Variants in DTNA observed in about 807,000 individuals in gnomAD.
DTNA encodes the protein dystrobrevin alpha, also known as dystrophin-related protein 3.
Under a neutral mutation model 100.7 loss-of-function variants are expected in DTNA, and 43 were observed. The observed-to-expected ratio is 0.43, with a 90% CI of 0.33 to 0.55. The LOEUF (loss-of-function observed/expected upper bound fraction) is 0.55. Ranked by LOEUF, DTNA falls within the 20% of genes least tolerant of loss-of-function variation. The pLI, the probability that DTNA is intolerant of heterozygous loss-of-function variation, is 0.04. For missense variants in DTNA, 798 were observed against 953.9 expected (o/e 0.84, Z 2.15); for synonymous variants, 349 against 347.9 (o/e 1.00, Z -0.04).
chr18:34,636,979 G>A (rs16965696), intron 1 of DTNA, among the ~76,000 whole-genome samples: 3,563 of 152,232 alleles, frequency 0.023, 141 homozygotes, highest in African/African-American at 0.081. Context: ...GGAACTTCCA[G>A]GGTATTTCTT....
chr18:34,753,276 A>G (rs1264379408), intron 1 of DTNA, among the ~76,000 whole-genome samples: 2 of 152,202 alleles, frequency 1.3e-5, no homozygotes, highest in Non-Finnish European at 2.9e-5. Context: ...CTGCAAGTTC[A>G]GATGCCAGGC....
At chr18:34,729,372 C>T (rs919899998) in intron 1 of DTNA, among the ~76,000 whole-genome samples, 2 of 152,104 alleles carry the variant, frequency 1.3e-5, no homozygotes, top group Non-Finnish European at 2.9e-5. Context: ...GGCTGCTTTA[C>T]CTGCAATCAA....
chr18:34,729,216 A>G (rs1287286985), intron 1 of DTNA, among the ~76,000 whole-genome samples: 1 of 152,242 alleles, frequency 6.6e-6, no homozygotes, highest in Non-Finnish European at 1.5e-5. Context: ...GCACTTTCAA[A>G]TAAGGAAATG....
intron 1 of DTNA, among the ~76,000 whole-genome samples, chr18:34,735,061 TACAC>T (rs2089251260): frequency 6.6e-6 from 1 of 151,880 alleles, no homozygotes; most frequent in South Asian, 2.1e-4. Context: ...TACACACACA[TACAC>T]ATATATATAT....
intron 1 of DTNA, among the ~76,000 whole-genome samples, chr18:34,577,160 G>A (rs1407727829): frequency 6.6e-6 from 1 of 152,088 alleles, no homozygotes; most frequent in African/African-American, 2.4e-5. Flanking sequence ...GTATTTGGAA[G>A]CCCTATTTTT....
intron 1 of DTNA, among the ~76,000 whole-genome samples, chr18:34,743,734 G>A (rs184896957): frequency 8.1e-4 from 124 of 152,198 alleles, no homozygotes; most frequent in Non-Finnish European, 1.1e-3. Flanking sequence ...AATCAGTAGC[G>A]AGGAAGGGGA....
At chr18:34,722,122 T>G (rs2085475093) in intron 1 of DTNA, among the ~76,000 whole-genome samples, 1 of 152,176 alleles carries the variant, frequency 6.6e-6, no homozygotes, top group Non-Finnish European at 1.5e-5. Context: ...AAATAATCCT[T>G]TGGGTTTAAA....
At chr18:34,791,123 C>A (rs1201260501) in intron 3 of DTNA, among the ~76,000 whole-genome samples, 1 of 152,102 alleles carries the variant, frequency 6.6e-6, no homozygotes, top group African/African-American at 2.4e-5. Flanking sequence ...GTGGTCACTC[C>A]CATGGGCCTG....
chr18:34,551,337 G>A (rs16965449), intron 1 of DTNA, among the ~76,000 whole-genome samples: 5,429 of 152,048 alleles, frequency 0.036, 338 homozygotes, highest in African/African-American at 0.12. Context: ...ACAGGTGTTC[G>A]CCTCACCACA....
intron 1 of DTNA, among the ~76,000 whole-genome samples, chr18:34,690,747 T>C (rs1000019780): frequency 6.6e-6 from 1 of 152,220 alleles, no homozygotes; most frequent in Non-Finnish European, 1.5e-5. Flanking sequence ...TTTGTATTCC[T>C]GGAAACTAAC....
intron 1 of DTNA, among the ~76,000 whole-genome samples, chr18:34,625,754 T>C (rs2057234077): frequency 6.6e-6 from 1 of 152,144 alleles, no homozygotes; most frequent in Non-Finnish European, 1.5e-5. Context: ...TGAAATAACA[T>C]CTTGGAGAAG....
Position 34,578,726 on chromosome 18 carries a change from C to A in DTNA, c.-2+85212C>A, listed in dbSNP as rs760617803. 1.2e-4 allele frequency among the ~76,000 whole-genome samples: 18 copies of A among 152,096 alleles called. 1 individual carries two copies. The highest frequency in any genetic ancestry group is 2.6e-4 in the Non-Finnish European group (18 of 68,004). On this transcript the variant is annotated intron_variant, in intron 1 of 19. Coordinates refer to the DTNA transcript ENST00000283365. ...CAGCACCATTTGTTAAATAGGGTGT[C>A]TTTTTCCCACTTTATGTTTTTGTTT... is the stretch of plus-strand genomic sequence containing the variant.
At chr18:34,728,730 A>G (rs1172543315) in intron 1 of DTNA, among the ~76,000 whole-genome samples, 1 of 152,172 alleles carries the variant, frequency 6.6e-6, no homozygotes, top group South Asian at 2.1e-4. Flanking sequence ...AGTGATTCCT[A>G]CTCAAACACA....
At chr18:34,821,496 G>A in intron 9 of DTNA, 1 of 456,424 alleles carries the variant, frequency 2.2e-6, no homozygotes, top group Non-Finnish European at 4.4e-6. Flanking sequence ...CGTGGCAGAA[G>A]GTGTTGGGCC....
At chr18:34,876,917 T>G (rs2096824374) in intron 18 of DTNA, among the ~76,000 whole-genome samples, 1 of 152,230 alleles carries the variant, frequency 6.6e-6, no homozygotes, top group Admixed American at 6.5e-5. Flanking sequence ...ATAATTAATG[T>G]TTTTACTTAA....
Position 34,626,096 on chromosome 18 carries a change from T to C in DTNA, c.-1-129880T>C, listed in dbSNP as rs78893791. On this transcript the variant is annotated intron_variant, in intron 1 of 19. Coordinates refer to the DTNA transcript ENST00000283365. ...AAAGATTAGGCTTGTGATTATTGCT[T>C]TTTTCAGGAAATGTTTTATATAAAG... Among the ~76,000 whole-genome samples, 970 of 152,296 alleles carry C rather than the reference T, an allele frequency of 6.4e-3. 7 individuals carry two copies. The highest frequency in any genetic ancestry group is 0.014 in the Middle Eastern group (4 of 294).
chr18:34,568,624 C>A (rs556549003), intron 1 of DTNA, among the ~76,000 whole-genome samples: 1 of 151,898 alleles, frequency 6.6e-6, no homozygotes, highest in South Asian at 2.1e-4. Context: ...TTTTTATTTT[C>A]ATTTATTTAA....
chr18:34,540,148 A>C (rs186398706), intron 1 of DTNA, among the ~76,000 whole-genome samples: 53 of 152,086 alleles, frequency 3.5e-4, no homozygotes, highest in African/African-American at 1.2e-3. Context: ...AAAATTGAGG[A>C]TGTCCAAAAA....
intron 1 of DTNA, among the ~76,000 whole-genome samples, chr18:34,606,170 C>T (rs1307058096): frequency 6.6e-6 from 1 of 152,024 alleles, no homozygotes; most frequent in African/African-American, 2.4e-5. Flanking sequence ...TGGGTATTTG[C>T]ATGCATTATT....
Sources: gnomAD v4.1 joint callset for allele counts (sites outside exome capture counted in the v4.1 genomes callset) on GRCh38, gnomAD v4.1.1 for gene constraint, MANE v1.5 for transcripts, NCBI Gene and HGNC (gene_info 2026-07-23, HGNC 2026-07-21) for gene names.